The following ZNF608 variants were observed in gnomAD, a reference collection of about 807,000 sequenced individuals.
The protein encoded by ZNF608 is zinc finger protein 608.
Under a neutral mutation model 109.0 loss-of-function variants are expected in ZNF608, and 12 were observed. The ratio of observed to expected loss-of-function variants is 0.11; its 90% CI spans 0.07 to 0.18. The LOEUF is 0.18. Ranked by LOEUF, ZNF608 falls within the 10% of genes least tolerant of loss-of-function variation. The pLI, the probability that ZNF608 is intolerant of heterozygous loss-of-function variation, is 1.00. For synonymous variants in ZNF608, 732 were observed against 717.4 expected (o/e 1.02, Z -0.33); for missense variants, 1,707 against 1,879.3 (o/e 0.91, Z 1.70).
At chr5:124,702,429 T>TATTCATAGATTCCCA (rs1753088252) in intron 2 of ZNF608, among the ~76,000 whole-genome samples, 1 of 109,732 alleles carries the variant, frequency 9.1e-6, no homozygotes, top group African/African-American at 3.3e-5. Flanking sequence ...CTTATTCTGC[T>TATTCATAGATTCCCA]GTTCACTGTA....
intron 3 of ZNF608, among the ~76,000 whole-genome samples, chr5:124,684,099 G>T (rs552642621): frequency 6.6e-6 from 1 of 152,298 alleles, no homozygotes; most frequent in East Asian, 1.9e-4. Context: ...TCAAGTCATG[G>T]CTACTCATTC....
chr5:124,740,030 C>T (rs1749315038), intron 2 of ZNF608, among the ~76,000 whole-genome samples: 1 of 152,204 alleles, frequency 6.6e-6, no homozygotes, highest in Non-Finnish European at 1.5e-5. Context: ...AACCTCACGA[C>T]ATTTGGACTA....
At chr5:124,692,662 C>G (rs960764256) in intron 3 of ZNF608, among the ~76,000 whole-genome samples, 6 of 152,132 alleles carry the variant, frequency 3.9e-5, no homozygotes, top group Non-Finnish European at 7.4e-5. Context: ...ATCCAGAACA[C>G]CCAGGAATTG....
chr5:124,653,643 G>A (rs571290417), intron 3 of ZNF608, among the ~76,000 whole-genome samples: 1 of 152,082 alleles, frequency 6.6e-6, no homozygotes, highest in African/African-American at 2.4e-5. Context: ...CATGTTCATG[G>A]TGCCCCCACC....
chr5:124,692,822 T>C (rs1752675103), intron 3 of ZNF608, among the ~76,000 whole-genome samples: 1 of 152,178 alleles, frequency 6.6e-6, no homozygotes, highest in Admixed American at 6.5e-5. Context: ...TTATTTTGGC[T>C]TTTTTTCTGA....
intron 3 of ZNF608, among the ~76,000 whole-genome samples, chr5:124,675,251 T>C (rs1751894054): frequency 6.6e-6 from 1 of 152,174 alleles, no homozygotes; most frequent in Admixed American, 6.5e-5. Context: ...TATTAGTAAG[T>C]TTCCAGTACA....
chr5:124,739,055 G>C (rs1257905899), intron 2 of ZNF608, among the ~76,000 whole-genome samples: 1 of 152,200 alleles, frequency 6.6e-6, no homozygotes, highest in Non-Finnish European at 1.5e-5. Flanking sequence ...TGCATTATGT[G>C]TTAATGACCA....
chr5:124,706,160 G>A (rs1345991610), intron 2 of ZNF608, among the ~76,000 whole-genome samples: 1 of 152,182 alleles, frequency 6.6e-6, no homozygotes, highest in Non-Finnish European at 1.5e-5. Context: ...GTGGGGCAGG[G>A]ATCTGTCTTC....
chr5:124,692,996 G>T (rs1752680991), intron 3 of ZNF608, among the ~76,000 whole-genome samples: 1 of 152,088 alleles, frequency 6.6e-6, no homozygotes, highest in South Asian at 2.1e-4. Flanking sequence ...CAAAATGGGG[G>T]GATTGGAGTA....
intron 3 of ZNF608, among the ~76,000 whole-genome samples, chr5:124,676,245 A>G (rs1394390438): frequency 2.6e-5 from 4 of 152,220 alleles, no homozygotes; most frequent in African/African-American, 9.6e-5. Flanking sequence ...AGTGCAAACA[A>G]TAAACGCTCT....
At chr5:124,695,461 T>C (rs2149842718) in intron 3 of ZNF608, among the ~76,000 whole-genome samples, 1 of 152,318 alleles carries the variant, frequency 6.6e-6, no homozygotes, top group South Asian at 2.1e-4. Context: ...CATAGGATCA[T>C]TTGCCTTTTA....
At chr5:124,655,691 C>G (rs576157186) in intron 3 of ZNF608, among the ~76,000 whole-genome samples, 3 of 152,102 alleles carry the variant, frequency 2.0e-5, no homozygotes, top group African/African-American at 4.8e-5. Flanking sequence ...TTTTACACAA[C>G]GTGACTATTG....
In ZNF608 at chr5:124,648,866, C is replaced by T. The variant is rs763383094; in HGVS notation, c.1518G>A (p.Met506Ile). 6.2e-7 allele frequency: 1 copy of T among 1,613,988 alleles called. No homozygotes were observed. The highest frequency in any genetic ancestry group is 8.5e-7 in the Non-Finnish European group (1 of 1,179,928). Residue 506 changes from methionine to isoleucine, a missense_variant, in exon 5 of 10, where the codon ATG becomes ATA. By Grantham distance (10) the Met-to-Ile change is conservative (BLOSUM62 1). Around this residue, in one of 7 missense-constraint regions of ZNF608, gnomAD observed 166 missense variants for 204.2 expected, o/e 0.81. Coordinates refer to ENST00000513986, the MANE Select transcript of ZNF608 (RefSeq NM_020747.3). ...STNKRKNKPP[M>I]ELDLNSSSED... ...CAGAGCTGGAGTTCAGGTCCAGCTCCATTGGAGGCTTGTTTTTCCTTTTGT... is the reference window on the plus strand; with the variant it reads ...CAGAGCTGGAGTTCAGGTCCAGCTCTATTGGAGGCTTGTTTTTCCTTTTGT...
chr5:124,691,713 A>T (rs138171621), intron 3 of ZNF608, among the ~76,000 whole-genome samples: 1 of 152,354 alleles, frequency 6.6e-6, no homozygotes, highest in African/African-American at 2.4e-5. Context: ...ATCAAGTGAA[A>T]TGAGCCAGTC....
At chr5:124,671,338 A>G (rs2149814069) in intron 3 of ZNF608, among the ~76,000 whole-genome samples, 1 of 152,326 alleles carries the variant, frequency 6.6e-6, no homozygotes, top group South Asian at 2.1e-4. Context: ...TTCCTAGATC[A>G]GTAATGTGCC....
At chr5:124,680,434 T>C (rs768033461) in intron 3 of ZNF608, among the ~76,000 whole-genome samples, 2 of 151,938 alleles carry the variant, frequency 1.3e-5, no homozygotes, top group African/African-American at 2.4e-5. Context: ...TTTTCCAAAA[T>C]TGGCACCAAG....
chr5:124,695,844 T>C lies in ZNF608; in HGVS notation c.1162+5170A>G, dbSNP rs186912330. ...ACTATCATCTTTATGACTTTGGAGATATAGGAGAAGCAGAAGAATTTTAGA... is the reference window on the plus strand; with the variant it reads ...ACTATCATCTTTATGACTTTGGAGACATAGGAGAAGCAGAAGAATTTTAGA... On this transcript the variant is annotated intron_variant, in intron 3 of 9. Transcript: ENST00000513986. 2.6e-3 allele frequency among the ~76,000 whole-genome samples: 388 copies of C among 151,814 alleles called. 1 individual carries two copies. The highest frequency in any genetic ancestry group is 9.2e-3 in the African/African-American group (381 of 41,386).
At chr5:124,692,932 A>T (rs1752678770) in intron 3 of ZNF608, among the ~76,000 whole-genome samples, 1 of 152,246 alleles carries the variant, frequency 6.6e-6, no homozygotes. Flanking sequence ...TACAAAACAT[A>T]CATGTTTACA....
At position 124,647,694 on chromosome 5, in the gene ZNF608, G is replaced by A; in HGVS notation, c.2690C>T (p.Ser897Phe). The A allele has an allele frequency of 6.2e-7, 1 of 1,614,218 alleles. No homozygotes were observed. Among genetic ancestry groups the A allele is most frequent in the South Asian group, 1.1e-5 (1 of 91,080 alleles). ...YTFTDNAPSP[S>F]IGSASRLECS... ...TTCCAGCCTCGAGGCGCTCCCTATG[G>A]AAGGGCTGGGAGCGTTGTCTGTGAA... The change falls in exon 5 of 10, where the codon TCC becomes TTC. Residue 897 changes from serine to phenylalanine, a missense_variant. By Grantham distance (155) the Ser-to-Phe change is radical (BLOSUM62 -2). Transcript: ENST00000513986.
Sources: gnomAD v4.1 joint callset for allele counts (sites outside exome capture counted in the v4.1 genomes callset) on GRCh38, gnomAD v4.1.1 for gene constraint, gnomAD v4.1.1 regional missense constraint, MANE v1.5 for transcripts, NCBI Gene and HGNC (gene_info 2026-07-23, HGNC 2026-07-21) for gene names.